The following XRN1 variants were observed in gnomAD, a reference collection of about 807,000 sequenced individuals.
The protein encoded by XRN1 is 5'-3' exoribonuclease 1.
A neutral mutation model predicts 222.3 loss-of-function variants in XRN1; 67 were observed. That is an observed-to-expected ratio of 0.30 (90% confidence interval 0.25 to 0.37). The LOEUF (loss-of-function observed/expected upper bound fraction) is 0.37, where lower values mean the gene tolerates loss of function less well. Among genes scored for constraint, XRN1 ranks in the 10% least tolerant of loss-of-function variants. The pLI, the probability that XRN1 is intolerant of heterozygous loss-of-function variation, is 1.00. For missense variants in XRN1, 1,707 were observed against 2,000.2 expected (o/e 0.85, Z 2.80); for synonymous variants, 643 against 652.4 (o/e 0.99, Z 0.22).
At chr3:142,336,338 A>T (rs190554209) in intron 33 of XRN1, among the ~76,000 whole-genome samples, 5 of 152,224 alleles carry the variant, frequency 3.3e-5, no homozygotes, top group African/African-American at 1.2e-4. Context: ...AGCTATATAG[A>T]TCTACTATAA....
chr3:142,382,238 C>T (rs116326501), intron 22 of XRN1, among the ~76,000 whole-genome samples: 183 of 152,054 alleles, frequency 1.2e-3, no homozygotes, highest in African/African-American at 4.2e-3. Flanking sequence ...AAAAAAAATG[C>T]CCCCTAGATT....
At chr3:142,383,545 C>T (rs2067379754) in intron 21 of XRN1, 132 bp from the exon 22 acceptor site, 1 of 747,634 alleles carries the variant, frequency 1.3e-6, no homozygotes, top group East Asian at 2.7e-5. Context: ...ATGCCAAGAG[C>T]TAAAATTTGT....
At position 142,365,095 on chromosome 3, in the gene XRN1, A is replaced by C; in HGVS notation, c.3346T>G (p.Phe1116Val). The C allele has an allele frequency of 6.2e-7, 1 of 1,613,562 alleles. No homozygotes were observed. The highest frequency in any genetic ancestry group is 8.5e-7 in the Non-Finnish European group (1 of 1,179,710). ...FDRVVNVREN[F>V]SVPVGLRGTI... Reference sequence around the variant, plus strand: ...CCTCGAAGGCCAACTGGAACTGAGAAGTTTTCTCTCACATTTACAACACGG... The same window carrying C: ...CCTCGAAGGCCAACTGGAACTGAGACGTTTTCTCTCACATTTACAACACGG... Residue 1116 changes from phenylalanine (F) to valine (V), a missense_variant, in exon 29 of 41, where the codon TTC (phenylalanine) becomes GTC (valine). Phe to Val is a conservative substitution (Grantham distance 50). This residue lies in a region of XRN1 where 1,234 missense variants were observed against 1,518.2 expected (regional missense o/e 0.81). Coordinates refer to ENST00000392981, the MANE Select transcript of XRN1 (RefSeq NM_001282857.2).
chr3:142,312,407 A>T (rs1456343042), intron 40 of XRN1, among the ~76,000 whole-genome samples, 191 bp downstream of exon 40: 1 of 152,186 alleles, frequency 6.6e-6, no homozygotes, highest in Admixed American at 6.5e-5. Context: ...TACTTGGTAC[A>T]ATTATTGTTT....
chr3:142,312,469 C>T, intron 40 of XRN1, 129 bp downstream of exon 40: 1 of 886,048 alleles, frequency 1.1e-6, no homozygotes, highest in Non-Finnish European at 1.6e-6. Flanking sequence ...TCAACCATTG[C>T]CTTCTTACTA....
chr3:142,371,369 G>A, intron 25 of XRN1, 41 bp from the exon 26 acceptor site: 2 of 1,431,094 alleles, frequency 1.4e-6, no homozygotes, highest in Non-Finnish European at 1.9e-6. Flanking sequence ...AATATATATG[G>A]TTAATTTCGG....
rs777139929 is a variant in XRN1, at chr3:142,412,633, T to C, written c.1624A>G (p.Ile542Val). The change falls in exon 15 of 41, where the codon ATA (isoleucine) becomes GTA (valine). Residue 542 changes from isoleucine (I) to valine (V), a missense_variant. Physicochemically the swap from Ile to Val is conservative, Grantham distance 29. Coordinates refer to ENST00000392981, the MANE Select transcript of XRN1 (RefSeq NM_001282857.2). ...HLMTNEDSPI[I>V]EYYPPDFKTD... ...TTAAAATCAGGTGGGTAATATTCTATAATTGGTGAGTCTTCATTGGTCATC... is the reference window on the plus strand; with the variant it reads ...TTAAAATCAGGTGGGTAATATTCTACAATTGGTGAGTCTTCATTGGTCATC... 1 of 1,603,390 alleles carries C rather than the reference T, an allele frequency of 6.2e-7. No homozygotes were observed. Among genetic ancestry groups the C allele is most frequent in the Non-Finnish European group, 8.5e-7 (1 of 1,173,002 alleles).
At chr3:142,370,998 G>A (rs1433567014) in intron 26 of XRN1, among the ~76,000 whole-genome samples, 2 of 152,074 alleles carry the variant, frequency 1.3e-5, no homozygotes, top group African/African-American at 4.8e-5. Flanking sequence ...AGTCAAATGT[G>A]GAGGCGTACG....
At chr3:142,331,399 G>C (rs965789047) in intron 36 of XRN1, among the ~76,000 whole-genome samples, 9 of 152,002 alleles carry the variant, frequency 5.9e-5, no homozygotes, top group African/African-American at 1.9e-4. Context: ...CTCTATTAAT[G>C]ATTTTTAATT....
rs150479108 is a variant in XRN1 at position 142,442,020 on chromosome 3, G to T, written c.75+5850C>A. On this transcript the variant is annotated intron_variant, in intron 1 of 40. Transcript: ENST00000392981. ...GGGTATGCAGTGGTCAGTGATAATG[G>T]AATACTTGAAAATAATCCCCTCATT... is the stretch of plus-strand genomic sequence containing the variant. Among the ~76,000 whole-genome samples the T allele has an allele frequency of 4.1e-3, 625 of 152,288 alleles. 5 individuals carry two copies. The highest frequency in any genetic ancestry group is 0.014 in the African/African-American group (595 of 41,556).
Position 142,356,993 on chromosome 3 carries a change from T to C in XRN1, c.3591A>G (p.Gln1197=), listed in dbSNP as rs1200458787. 6.2e-7 allele frequency: 1 copy of C among 1,614,130 alleles called. No homozygotes were observed. Among genetic ancestry groups the C allele is most frequent in the Non-Finnish European group, 8.5e-7 (1 of 1,180,002 alleles). ...AIVKPQPAVH[Q]HSSSSSVSSG... is the part of the protein sequence containing the mutation. ...AGGAAACTGATGAACTTGAGCTATG[T>C]TGATGTACAGCTGGTTGTGGTTTTA... is the stretch of plus-strand genomic sequence containing the variant. The change falls in exon 31 of 41, where the codon CAA becomes CAG. Residue 1197 remains glutamine (Q), a synonymous_variant. Transcript: ENST00000392981.
At chr3:142,350,967 T>C (rs2066287165) in intron 32 of XRN1, among the ~76,000 whole-genome samples, 1 of 152,182 alleles carries the variant, frequency 6.6e-6, no homozygotes, top group African/African-American at 2.4e-5. Context: ...GGTTGAACAC[T>C]GAGTCTAAAT....
At chr3:142,442,342 T>A (rs554668396) in intron 1 of XRN1, among the ~76,000 whole-genome samples, 1 of 152,106 alleles carries the variant, frequency 6.6e-6, no homozygotes, top group Non-Finnish European at 1.5e-5. Flanking sequence ...CAAGAGGATA[T>A]TGAAGCCAAA....
At chr3:142,383,466 T>A in intron 21 of XRN1, 53 bp from the exon 22 acceptor site, 1 of 1,460,352 alleles carries the variant, frequency 6.8e-7, no homozygotes. Flanking sequence ...AGATTGCGTA[T>A]CAAGTTTTTT....
chr3:142,312,996 ATAC>A, intron 39 of XRN1: 1 of 1,015,434 alleles, frequency 9.8e-7, no homozygotes, highest in Non-Finnish European at 1.4e-6. Context: ...GAAAAGGAGA[ATAC>A]TACTACTAAT....
intron 29 of XRN1, among the ~76,000 whole-genome samples, chr3:142,361,963 C>CTTTTTTTTTTTTTTTTTTTTTT (rs71153961): frequency 9.7e-5 from 5 of 51,678 alleles, no homozygotes; most frequent in Non-Finnish European, 1.3e-4. Flanking sequence ...CTTTTTCTCT[C>CTTTTTTTTTTTTTTTTTTTTTT]TTTTTTTTTT....
chr3:142,399,007 C>T (rs1352476608), intron 19 of XRN1, among the ~76,000 whole-genome samples: 1 of 151,448 alleles, frequency 6.6e-6, no homozygotes, highest in Non-Finnish European at 1.5e-5. Context: ...TGTACCTGAT[C>T]AGTATGATGA....
chr3:142,373,508 G>A lies in XRN1; in HGVS notation c.2979-2180C>T, dbSNP rs551742992. ...AGCCTGAAAGAGCTGAACAGGAGAA[G>A]GGAAGAAAAAAGATCCATACCAAGG... On this transcript the variant is annotated intron_variant, in intron 25 of 40. Coordinates refer to ENST00000392981, the MANE Select transcript of XRN1 (RefSeq NM_001282857.2). Among the ~76,000 whole-genome samples, 10 of 151,990 alleles carry A rather than the reference G, an allele frequency of 6.6e-5. No individual in the cohort carries two copies. The South Asian group carries it at 2.1e-3, about 32-fold the overall frequency.
intron 39 of XRN1, among the ~76,000 whole-genome samples, chr3:142,313,602 A>T (rs1460967522): frequency 1.3e-5 from 2 of 152,258 alleles, no homozygotes; most frequent in African/African-American, 4.8e-5. Context: ...GTAAAACAGT[A>T]TAGCTTAATT....
Sources: gnomAD v4.1 joint callset for allele counts (sites outside exome capture counted in the v4.1 genomes callset) on GRCh38, gnomAD v4.1.1 for gene constraint, gnomAD v4.1.1 regional missense constraint, MANE v1.5 for transcripts, NCBI Gene and HGNC (gene_info 2026-07-23, HGNC 2026-07-21) for gene names.